TIMM9: variants seen among roughly 807,000 people sequenced by gnomAD.
TIMM9 encodes translocase of inner mitochondrial membrane 9, also known as mitochondrial import inner membrane translocase subunit Tim9.
A neutral mutation model predicts 13.4 loss-of-function variants in TIMM9; 10 were observed. That is an observed-to-expected ratio of 0.75 (90% CI 0.46 to 1.26). The LOEUF is 1.26. Ranked by LOEUF, TIMM9 falls within the 50% of genes most tolerant of loss-of-function variation. TIMM9 has a pLI of 0.00. For synonymous variants in TIMM9, 32 were observed against 32.1 expected (o/e 1.00, Z 0.01); for missense variants, 87 against 100.8 (o/e 0.86, Z 0.58).
At chr14:58,414,546 T>C (rs1333580512) in intron 3 of TIMM9, among the ~76,000 whole-genome samples, 1 of 151,928 alleles carries the variant, frequency 6.6e-6, no homozygotes, top group Non-Finnish European at 1.5e-5. Flanking sequence ...GAGACAAGCC[T>C]GGACAGCATA....
chr14:58,422,494 T>G (rs2036617494), intron 3 of TIMM9, among the ~76,000 whole-genome samples: 1 of 152,186 alleles, frequency 6.6e-6, no homozygotes, highest in Non-Finnish European at 1.5e-5. Context: ...TTGTCCTTAT[T>G]ATATATCTCA....
intron 2 of TIMM9, among the ~76,000 whole-genome samples, chr14:58,426,786 C>CT (rs1347158206): frequency 6.6e-6 from 1 of 152,280 alleles, no homozygotes; most frequent in African/African-American, 2.4e-5. Context: ...ACCTTATAGT[C>CT]TAATTCAGTG....
chr14:58,425,006 TGAGGGAATAATTA>T (rs1274743066), intron 2 of TIMM9, among the ~76,000 whole-genome samples: 1 of 152,038 alleles, frequency 6.6e-6, no homozygotes, highest in Non-Finnish European at 1.5e-5. Context: ...GCTCTAATCA[TGAGGGAATAATTA>T]GGAAAATCTA....
chr14:58,419,528 CAA>C (rs1491199004), intron 3 of TIMM9, among the ~76,000 whole-genome samples: 4 of 149,602 alleles, frequency 2.7e-5, no homozygotes, highest in African/African-American at 9.9e-5. Flanking sequence ...CACACACACA[CAA>C]AAATACACTC....
chr14:58,423,604 C>A (rs2140343879), intron 3 of TIMM9, among the ~76,000 whole-genome samples: 1 of 147,768 alleles, frequency 6.8e-6, no homozygotes, highest in African/African-American at 2.5e-5. Context: ...CTGAGTAAAT[C>A]AATGATTTTC....
chr14:58,418,597 G>A (rs1365293392), intron 3 of TIMM9, among the ~76,000 whole-genome samples: 1 of 152,116 alleles, frequency 6.6e-6, no homozygotes, highest in South Asian at 2.1e-4. Context: ...ATTAAGTTCA[G>A]CAGTGTCCAG....
intron 3 of TIMM9, among the ~76,000 whole-genome samples, chr14:58,413,434 A>G (rs2036285434): frequency 6.6e-6 from 1 of 152,236 alleles, no homozygotes; most frequent in Non-Finnish European, 1.5e-5. Flanking sequence ...CAGAGTTTTA[A>G]AAGAAAGTTA....
intron 3 of TIMM9, among the ~76,000 whole-genome samples, chr14:58,419,958 T>A (rs1157054121): frequency 6.6e-6 from 1 of 152,106 alleles, no homozygotes; most frequent in East Asian, 1.9e-4. Context: ...CTACTAAAAC[T>A]TTTATTTATT....
At chr14:58,412,036 G>A (rs2036237205) in intron 3 of TIMM9, 65 bp from the exon 4 acceptor site, 4 of 1,212,762 alleles carry the variant, frequency 3.3e-6, no homozygotes, top group Non-Finnish European at 1.2e-6. Context: ...TAACTGAAGA[G>A]TTAGGGAATC....
At chr14:58,423,245 C>T (rs2036639487) in intron 3 of TIMM9, among the ~76,000 whole-genome samples, 1 of 151,886 alleles carries the variant, frequency 6.6e-6, no homozygotes, top group Non-Finnish European at 1.5e-5. Context: ...AGGCCAGGCA[C>T]AGTGGCTCAC....
At chr14:58,412,149 T>A in intron 3 of TIMM9, 178 bp from the exon 4 acceptor site, 1 of 507,442 alleles carries the variant, frequency 2.0e-6, no homozygotes, top group Non-Finnish European at 3.5e-6. Context: ...AATTAGATTT[T>A]CTTTTTTTTT....
Position 58,427,163 on chromosome 14 carries a change from A to T in TIMM9, c.-224T>A, listed in dbSNP as rs1293921393. ...TCTGGACAGGAGCCGCGGCCGCCAG[A>T]TGGGAAAGAACACGTGGGAGCAGTA... On this transcript the variant is annotated 5_prime_UTR_variant, in exon 2 of 6. Transcript: ENST00000395159. 2 of 172,266 alleles carry T rather than the reference A, an allele frequency of 1.2e-5. No individual in the cohort carries two copies. The highest frequency in any genetic ancestry group is 3.4e-4 in the East Asian group (2 of 5,950). 10.7% of individuals were successfully genotyped at this position (172,266 alleles called of 1,614,324 possible). A position where few individuals can be genotyped will look rare whatever the true frequency, so the allele number is the denominator to read the frequency against.
At chr14:58,426,247 T>C (rs952828443) in intron 2 of TIMM9, among the ~76,000 whole-genome samples, 1 of 151,016 alleles carries the variant, frequency 6.6e-6, no homozygotes, top group African/African-American at 2.4e-5. Flanking sequence ...GATCTGTCAC[T>C]CAGGCTGGAG....
At chr14:58,423,210 C>G (rs2036638131) in intron 3 of TIMM9, among the ~76,000 whole-genome samples, 1 of 151,846 alleles carries the variant, frequency 6.6e-6, no homozygotes, top group South Asian at 2.1e-4. Flanking sequence ...TCGGTAGTCA[C>G]CAGTATCTAT....
At chr14:58,424,889 G>A (rs2036689224) in intron 2 of TIMM9, among the ~76,000 whole-genome samples, 1 of 151,940 alleles carries the variant, frequency 6.6e-6, no homozygotes, top group Non-Finnish European at 1.5e-5. Flanking sequence ...TATAAGCTAA[G>A]TCATAAAACC....
chr14:58,411,819 G>A, intron 4 of TIMM9, 88 bp downstream of exon 4: 1 of 1,238,342 alleles, frequency 8.1e-7, no homozygotes. Flanking sequence ...TTACAGATGT[G>A]AGCCACTGCA....
rs1156424086 is a variant in TIMM9 at position 58,410,959 on chromosome 14, T to C, written c.40-21A>G. On this transcript the variant is annotated intron_variant, in intron 4 of 5. Transcript: ENST00000395159. ...TTAAACTACAAACAAACCAGAATGT[T>C]CTTTAGTATTTGGTTTTTAAAACAA... 7 of 1,554,388 alleles carry C rather than the reference T, an allele frequency of 4.5e-6. No individual in the cohort carries two copies. The South Asian group carries it at 8.2e-5, about 18-fold the overall frequency.
In TIMM9 at chr14:58,410,908, G is replaced by A. The variant is rs750423651; in HGVS notation, c.70C>T (p.Leu24Phe). 6.2e-7 allele frequency: 1 copy of A among 1,613,314 alleles called. No individual in the cohort carries two copies. The highest frequency in any genetic ancestry group is 8.5e-7 in the Non-Finnish European group (1 of 1,179,736). Residue 24 changes from leucine (L) to phenylalanine (F), a missense_variant, in exon 5 of 6, where the codon CTT becomes TTT. Physicochemically the swap from Leu to Phe is conservative, Grantham distance 22 (BLOSUM62 0). Transcript: ENST00000395159. ...CAGTCCAAAAAGCAGGTCTCTGTAA[G>A]TTTATTGTAGGTCCCCAGAAATTCC... ...FKEFLGTYNK[L>F]TETCFLDCVK...
At chr14:58,415,625 T>C (rs993959126) in intron 3 of TIMM9, among the ~76,000 whole-genome samples, 1 of 152,112 alleles carries the variant, frequency 6.6e-6, no homozygotes, top group African/African-American at 2.4e-5. Context: ...AATCAGTGAA[T>C]TGGAAGCCAG....
Sources: gnomAD v4.1 joint callset for allele counts (sites outside exome capture counted in the v4.1 genomes callset) on GRCh38, gnomAD v4.1.1 for gene constraint, MANE v1.5 for transcripts, NCBI Gene and HGNC (gene_info 2026-07-23, HGNC 2026-07-21) for gene names.